LRRC37A2: variants seen among roughly 807,000 people sequenced by gnomAD.
The protein encoded by LRRC37A2 is leucine-rich repeat-containing protein 37A2.
Under a neutral mutation model 68.8 loss-of-function variants are expected in LRRC37A2, and 9 were observed. The ratio of observed to expected loss-of-function variants is 0.13; its 90% CI spans 0.08 to 0.23. LRRC37A2 has a LOEUF of 0.23. Among genes scored for constraint, LRRC37A2 ranks in the 10% least tolerant of loss-of-function variants. LRRC37A2 has a pLI of 1.00. For missense variants in LRRC37A2, 168 were observed against 950.4 expected, an observed-to-expected ratio of 0.18 and a Z score of 10.82; for synonymous variants, 63 against 367.6, an observed-to-expected ratio of 0.17 and a Z score of 9.48.
chr17:46,820,593 T>A, the LRRC37A2 span, among the ~76,000 whole-genome samples: 320 of 152,184 alleles, frequency 2.1e-3, 2 homozygotes, highest in Non-Finnish European at 1.2e-3. Flanking sequence ...GAGATGCTCC[T>A]CATGGCTGGG....
chr17:46,979,601 C>T, the LRRC37A2 span, among the ~76,000 whole-genome samples: 2 of 152,154 alleles, frequency 1.3e-5, no homozygotes, highest in African/African-American at 4.8e-5. Flanking sequence ...TGCTAGACAT[C>T]AGATGAGTCG....
At chr17:46,876,130 C>A in the LRRC37A2 span, 1 of 1,011,612 alleles carries the variant, frequency 9.9e-7, no homozygotes. Flanking sequence ...GGCTGAGACC[C>A]TGGGTCTCTT....
the LRRC37A2 span, chr17:46,941,401 A>G: frequency 1.0e-6 from 1 of 983,132 alleles, no homozygotes; most frequent in Non-Finnish European, 1.2e-6. Context: ...TCATTTTTAT[A>G]ACTAATGGCC....
At chr17:46,958,466 C>T in the LRRC37A2 span, among the ~76,000 whole-genome samples, 721 of 152,278 alleles carry the variant, frequency 4.7e-3, no homozygotes, top group Non-Finnish European at 7.0e-3. Flanking sequence ...GAAGTGCTGA[C>T]GGCAGGAAGC....
the LRRC37A2 span, among the ~76,000 whole-genome samples, chr17:46,782,352 C>T: frequency 2.0e-5 from 3 of 152,148 alleles, no homozygotes; most frequent in Admixed American, 6.5e-5. Context: ...TCATTTTTCT[C>T]TCCCTGTGGT....
chr17:46,821,229 G>A, the LRRC37A2 span: 1 of 152,316 alleles, frequency 6.6e-6, no homozygotes. Flanking sequence ...AAGTGACAGA[G>A]GAGAGGACTG....
At chr17:46,930,991 A>G in the LRRC37A2 span, 1 of 718,164 alleles carries the variant, frequency 1.4e-6, no homozygotes. Context: ...CTTTTGAAAT[A>G]TGTAGTTCTA....
chr17:46,752,245 C>T, the LRRC37A2 span, among the ~76,000 whole-genome samples: 1 of 152,154 alleles, frequency 6.6e-6, no homozygotes, highest in Non-Finnish European at 1.5e-5. Context: ...GGGACTTTCT[C>T]ATATCTCCTG....
the LRRC37A2 span, among the ~76,000 whole-genome samples, chr17:46,770,492 T>C: frequency 4.6e-5 from 7 of 152,098 alleles, no homozygotes; most frequent in African/African-American, 1.7e-4. Flanking sequence ...GAGGGAGGCC[T>C]GGGAATCTAC....
At chr17:46,768,432 T>C in the LRRC37A2 span, 1 of 1,614,060 alleles carries the variant, frequency 6.2e-7, no homozygotes, top group Non-Finnish European at 8.5e-7. This position sits in a 1 kb window ranked among gnomAD's most constrained non-coding sequence, Gnocchi z 5.0. Context: ...CCTCGTGTTG[T>C]GGCCCCGGCC....
At chr17:47,018,630 T>TTTCAGTC in the LRRC37A2 span, 1 of 1,519,988 alleles carries the variant, frequency 6.6e-7, no homozygotes, top group South Asian at 1.1e-5. Flanking sequence ...GGAGACTTCA[T>TTTCAGTC]TTCAGTCTCC....
the LRRC37A2 span, among the ~76,000 whole-genome samples, chr17:46,823,127 A>AT: frequency 2.3e-5 from 3 of 132,876 alleles, no homozygotes; most frequent in Non-Finnish European, 4.7e-5. Context: ...TATATTATAT[A>AT]TTATATATAT....
At chr17:47,008,979 T>A in the LRRC37A2 span, among the ~76,000 whole-genome samples, 1 of 152,184 alleles carries the variant, frequency 6.6e-6, no homozygotes, top group Non-Finnish European at 1.5e-5. Context: ...ATAAATTTCA[T>A]GGAATACTTT....
the LRRC37A2 span, among the ~76,000 whole-genome samples, chr17:46,994,927 G>A: frequency 2.2e-4 from 33 of 152,264 alleles, no homozygotes; most frequent in African/African-American, 6.7e-4. Flanking sequence ...TTTGAGACCC[G>A]CCTGGGCAAC....
the LRRC37A2 span, among the ~76,000 whole-genome samples, chr17:46,890,283 C>T: frequency 6.6e-6 from 1 of 152,196 alleles, no homozygotes; most frequent in Non-Finnish European, 1.5e-5. Flanking sequence ...TAAAGTGCTC[C>T]ACGAGGGACA....
the LRRC37A2 span, among the ~76,000 whole-genome samples, chr17:46,852,247 A>G: frequency 6.6e-6 from 1 of 151,558 alleles, no homozygotes; most frequent in African/African-American, 2.4e-5. Context: ...GTGCGCGTCC[A>G]GGGAGAATGG....
chr17:46,932,474 A>G, the LRRC37A2 span: 3 of 595,926 alleles, frequency 5.0e-6, no homozygotes, highest in East Asian at 8.3e-5. Flanking sequence ...TGAGACAGAA[A>G]GGTGGAAGTT....
the LRRC37A2 span, chr17:47,018,343 G>A: frequency 6.2e-7 from 1 of 1,611,242 alleles, no homozygotes; most frequent in Non-Finnish European, 8.5e-7. Flanking sequence ...GAGACCCCAG[G>A]TCAGCCTCTA....
chr17:46,985,702 G>T, the LRRC37A2 span, among the ~76,000 whole-genome samples: 1 of 152,138 alleles, frequency 6.6e-6, no homozygotes, highest in African/African-American at 2.4e-5. Context: ...ATCTACTTCT[G>T]CCTCTGCCCC....
Sources: allele counts gnomAD v4.1 joint callset (sites outside exome capture counted in the v4.1 genomes callset), GRCh38; gene constraint gnomAD v4.1.1; non-coding constraint Gnocchi (gnomAD v3.1); transcripts MANE v1.5; gene names NCBI Gene and HGNC (gene_info 2026-07-23, HGNC 2026-07-21).